The following TNS3 variants were observed in gnomAD, a reference collection of about 807,000 sequenced individuals.
The protein encoded by TNS3 is tensin-3.
A neutral mutation model predicts 140.9 loss-of-function variants in TNS3; 45 were observed. That is an observed-to-expected ratio of 0.32 (90% CI 0.25 to 0.41). The LOEUF is 0.41. Ranked by LOEUF, TNS3 falls within the 10% of genes least tolerant of loss-of-function variation. The pLI is 1.00. For synonymous variants in TNS3, 815 were observed against 788.4 expected (o/e 1.03, Z -0.56); for missense variants, 1,716 against 1,906.7 (o/e 0.90, Z 1.86).
intron 20 of TNS3, among the ~76,000 whole-genome samples, chr7:47,311,245 T>C (rs1321117506): frequency 6.6e-6 from 1 of 152,236 alleles, no homozygotes; most frequent in Admixed American, 6.5e-5. Flanking sequence ...TCCTGACTTT[T>C]TAATGATTGC....
At chr7:47,546,523 T>C (rs1361742801) in intron 1 of TNS3, among the ~76,000 whole-genome samples, 2 of 152,212 alleles carry the variant, frequency 1.3e-5, no homozygotes, top group African/African-American at 4.8e-5. Flanking sequence ...TGTGGCAATT[T>C]CTACACATCT....
chr7:47,493,228 C>T (rs1042727356), intron 3 of TNS3, among the ~76,000 whole-genome samples: 2 of 152,194 alleles, frequency 1.3e-5, no homozygotes, highest in Non-Finnish European at 2.9e-5. Context: ...CTGGTCACTT[C>T]GCCAGACTTT....
At chr7:47,385,050 C>T (rs1791995011) in intron 16 of TNS3, among the ~76,000 whole-genome samples, 2 of 152,240 alleles carry the variant, frequency 1.3e-5, no homozygotes, top group South Asian at 2.1e-4. Flanking sequence ...CAGACAACCT[C>T]GCCTGCCTTG....
chr7:47,391,155 G>A (rs1390879592), intron 16 of TNS3, among the ~76,000 whole-genome samples: 1 of 152,202 alleles, frequency 6.6e-6, no homozygotes, highest in African/African-American at 2.4e-5. Flanking sequence ...CCAGGGCTAG[G>A]CATACCCTGT....
At chr7:47,574,635 A>C (rs1183206283) in intron 1 of TNS3, among the ~76,000 whole-genome samples, 1 of 151,898 alleles carries the variant, frequency 6.6e-6, no homozygotes, top group Non-Finnish European at 1.5e-5. Context: ...AGACACACAC[A>C]CACACACACA....
At chr7:47,463,030 G>A (rs1584714721) in intron 4 of TNS3, among the ~76,000 whole-genome samples, 2 of 152,202 alleles carry the variant, frequency 1.3e-5, no homozygotes, top group East Asian at 3.9e-4. Flanking sequence ...ATTGGCAGTA[G>A]TTGTGTTCTA....
At chr7:47,549,945 C>T (rs1800019179) in intron 1 of TNS3, among the ~76,000 whole-genome samples, 1 of 149,706 alleles carries the variant, frequency 6.7e-6, no homozygotes, top group Non-Finnish European at 1.5e-5. Context: ...ACCCCATCCC[C>T]ACAACCTAGT....
chr7:47,401,432 A>G (rs974074514), intron 13 of TNS3, among the ~76,000 whole-genome samples: 1 of 152,232 alleles, frequency 6.6e-6, no homozygotes, highest in Non-Finnish European at 1.5e-5. Context: ...GATTATGTGC[A>G]TGCTGTAATT....
At chr7:47,502,601 C>T (rs1165782923) in intron 3 of TNS3, among the ~76,000 whole-genome samples, 1 of 152,234 alleles carries the variant, frequency 6.6e-6, no homozygotes, top group Non-Finnish European at 1.5e-5. Flanking sequence ...GCAGGGGGTT[C>T]CGCTGACTTC....
At chr7:47,539,391 A>G (rs1253599098) in intron 1 of TNS3, 1 of 328,576 alleles carries the variant, frequency 3.0e-6, no homozygotes, top group Non-Finnish European at 6.0e-6. Context: ...CCCAGTGAGG[A>G]CAACAAACTG....
intron 13 of TNS3, among the ~76,000 whole-genome samples, chr7:47,403,049 G>A (rs145463218): frequency 5.4e-4 from 82 of 152,212 alleles, no homozygotes; most frequent in Non-Finnish European, 9.0e-4. Context: ...GCTCCAGTAC[G>A]GGCCACATAA....
chr7:47,524,525 G>A (rs1400626439), intron 2 of TNS3, among the ~76,000 whole-genome samples: 8 of 152,026 alleles, frequency 5.3e-5, no homozygotes, highest in Admixed American at 2.0e-4. Context: ...ATGGGAGGCC[G>A]GGCGCGGTGG....
intron 6 of TNS3, among the ~76,000 whole-genome samples, 184 bp downstream of exon 6, chr7:47,439,303 C>T (rs1409802890): frequency 6.6e-6 from 1 of 152,218 alleles, no homozygotes. Context: ...TACAGAGACA[C>T]ATAAGTCTCC....
At chr7:47,530,652 C>T (rs969038632) in intron 1 of TNS3, among the ~76,000 whole-genome samples, 1 of 150,510 alleles carries the variant, frequency 6.6e-6, no homozygotes, top group Non-Finnish European at 1.5e-5. Context: ...GGTGAAACCC[C>T]GTGTCTACTA....
chr7:47,427,518 T>A (rs769924944), intron 9 of TNS3, among the ~76,000 whole-genome samples: 6 of 152,212 alleles, frequency 3.9e-5, no homozygotes, highest in African/African-American at 1.4e-4. Context: ...GTAGACCCCA[T>A]AAATAATATT....
At chr7:47,316,640 C>T (rs1411033501) in intron 20 of TNS3, among the ~76,000 whole-genome samples, 1 of 150,916 alleles carries the variant, frequency 6.6e-6, no homozygotes. Flanking sequence ...ACCAGCCTGG[C>T]CAACATTGTG....
chr7:47,369,726 A>G (rs1394686288), intron 16 of TNS3, 105 bp from the exon 17 acceptor site: 4 of 1,262,178 alleles, frequency 3.2e-6, no homozygotes, highest in East Asian at 5.0e-5. Context: ...AATGGATTCA[A>G]AATATGACTT....
intron 13 of TNS3, among the ~76,000 whole-genome samples, chr7:47,403,908 G>T (rs146506105): frequency 1.3e-5 from 2 of 152,208 alleles, no homozygotes; most frequent in Admixed American, 6.5e-5. Flanking sequence ...CTTGGTACGA[G>T]GGCCCCCAAA....
At chr7:47,546,482 C>T (rs776986041) in intron 1 of TNS3, among the ~76,000 whole-genome samples, 1 of 152,138 alleles carries the variant, frequency 6.6e-6, no homozygotes, top group Non-Finnish European at 1.5e-5. Context: ...CCCAGGTGGC[C>T]CAGGACGGTG....
Sources: allele counts gnomAD v4.1 joint callset (sites outside exome capture counted in the v4.1 genomes callset), GRCh38; gene constraint gnomAD v4.1.1; transcripts MANE v1.5; gene names NCBI Gene and HGNC (gene_info 2026-07-23, HGNC 2026-07-21).